PRKG1: variants seen among roughly 807,000 people sequenced by gnomAD.
PRKG1 encodes cGMP-dependent protein kinase 1.
A neutral mutation model predicts 88.1 loss-of-function variants in PRKG1; 35 were observed. The observed-to-expected ratio is 0.40, with a 90% CI of 0.30 to 0.53. The LOEUF (loss-of-function observed/expected upper bound fraction) is 0.53. Ranked by LOEUF, PRKG1 falls within the 20% of genes least tolerant of loss-of-function variation. PRKG1 has a pLI of 0.59. For synonymous variants in PRKG1, 303 were observed against 292.5 expected (o/e 1.04, Z -0.37); for missense variants, 540 against 839.8 (o/e 0.64, Z 4.41).
chr10:51,915,953 A>G lies in PRKG1; in HGVS notation c.762+8383A>G, dbSNP rs571972316. On this transcript the variant is annotated intron_variant, in intron 5 of 17. Coordinates refer to ENST00000373980, the MANE Select transcript of PRKG1 (RefSeq NM_006258.4). ...CTAGAATAAAACATAATAGACAATAACAAGTATTGGCAAGGATATAGAGAA... is the reference window on the plus strand; with the variant it reads ...CTAGAATAAAACATAATAGACAATAGCAAGTATTGGCAAGGATATAGAGAA... 2.6e-5 allele frequency among the ~76,000 whole-genome samples: 4 copies of G among 152,328 alleles called. No homozygotes were observed. The South Asian group carries it at 8.3e-4, about 32-fold the overall frequency.
Position 51,312,338 on chromosome 10 carries a change from A to C in PRKG1, c.479-155385A>C, listed in dbSNP as rs16916649. Among the ~76,000 whole-genome samples the C allele has an allele frequency of 7.4e-3, 1,130 of 152,172 alleles. 8 individuals are homozygous for C. The highest frequency in any genetic ancestry group is 0.026 in the African/African-American group (1,062 of 41,496). On this transcript the variant is annotated intron_variant, in intron 2 of 17. Transcript: ENST00000373980. ...GGAAAATGAAAACTACAAAACTCTC[A>C]CTCAACATTATTTTACAATAGTGTA...
At chr10:51,790,992 C>A (rs1483663649) in intron 3 of PRKG1, among the ~76,000 whole-genome samples, 10 of 152,108 alleles carry the variant, frequency 6.6e-5, no homozygotes, top group African/African-American at 2.2e-4. Flanking sequence ...CATTGCTATA[C>A]TCATTTTGTC....
At chr10:51,132,103 T>C (rs1415390221) in intron 1 of PRKG1, among the ~76,000 whole-genome samples, 1 of 152,126 alleles carries the variant, frequency 6.6e-6, no homozygotes, top group East Asian at 1.9e-4. Context: ...GTTTGAAGTA[T>C]TAAAAAAAAT....
chr10:52,042,955 G>A (rs1564444442), intron 5 of PRKG1, among the ~76,000 whole-genome samples: 1 of 152,182 alleles, frequency 6.6e-6, no homozygotes, highest in Middle Eastern at 3.4e-3. Flanking sequence ...TTTAGAAATG[G>A]GTAACAGGTA....
At chr10:51,168,549 T>G (rs2031598323) in intron 2 of PRKG1, among the ~76,000 whole-genome samples, 1 of 152,046 alleles carries the variant, frequency 6.6e-6, no homozygotes, top group Admixed American at 6.6e-5. Context: ...CTTCTTAAGG[T>G]TTTCACTAAT....
chr10:51,941,951 C>A (rs933357154), intron 5 of PRKG1, among the ~76,000 whole-genome samples: 3 of 151,994 alleles, frequency 2.0e-5, no homozygotes, highest in African/African-American at 7.3e-5. Flanking sequence ...ATTTATAGTC[C>A]TTTGGGTATA....
At chr10:51,121,242 AAT>A (rs1328703661) in intron 1 of PRKG1, among the ~76,000 whole-genome samples, 1 of 152,184 alleles carries the variant, frequency 6.6e-6, no homozygotes, top group African/African-American at 2.4e-5. Flanking sequence ...CATATAAGGT[AAT>A]ATATATCCAA....
At chr10:51,604,089 CTTTTT>C (rs11290534) in intron 3 of PRKG1, among the ~76,000 whole-genome samples, 2 of 141,664 alleles carry the variant, frequency 1.4e-5, no homozygotes, top group African/African-American at 5.2e-5. Context: ...TGGTCCCTGC[CTTTTT>C]TTTTTTTTTC....
chr10:51,453,967 G>A (rs1010064762), intron 2 of PRKG1, among the ~76,000 whole-genome samples: 2 of 151,994 alleles, frequency 1.3e-5, no homozygotes, highest in Non-Finnish European at 2.9e-5. Flanking sequence ...CAAGCTGAGA[G>A]TCAAATCAAA....
chr10:51,491,317 C>T (rs1236575067), intron 3 of PRKG1, among the ~76,000 whole-genome samples: 1 of 152,082 alleles, frequency 6.6e-6, no homozygotes, highest in Non-Finnish European at 1.5e-5. Context: ...ACTGTCAGAC[C>T]TCCTAAAGGA....
At chr10:51,861,713 T>C (rs980346684) in intron 4 of PRKG1, among the ~76,000 whole-genome samples, 3 of 152,228 alleles carry the variant, frequency 2.0e-5, no homozygotes, top group African/African-American at 7.2e-5. Flanking sequence ...TTATGAAAAC[T>C]ATAGTGATTT....
intron 3 of PRKG1, among the ~76,000 whole-genome samples, chr10:51,557,296 A>G (rs1294879588): frequency 6.6e-6 from 1 of 151,794 alleles, no homozygotes; most frequent in Admixed American, 6.6e-5. Flanking sequence ...GAATCCTTAT[A>G]ATATGGACAC....
intron 3 of PRKG1, among the ~76,000 whole-genome samples, chr10:51,494,048 T>C (rs77277563): frequency 0.098 from 14,953 of 152,140 alleles, 2,305 homozygotes; most frequent in African/African-American, 0.33. Flanking sequence ...TTGATTGATT[T>C]TTTAATTTAT....
At chr10:51,167,342 G>A (rs1378267722) in intron 2 of PRKG1, among the ~76,000 whole-genome samples, 1 of 152,056 alleles carries the variant, frequency 6.6e-6, no homozygotes, top group Non-Finnish European at 1.5e-5. Flanking sequence ...AGGCAGTAAG[G>A]TACGGAAAAG....
chr10:51,667,665 T>C (rs996408846), intron 3 of PRKG1, among the ~76,000 whole-genome samples: 2 of 152,224 alleles, frequency 1.3e-5, no homozygotes, highest in Admixed American at 6.5e-5. Context: ...CTTATTCATC[T>C]AGTCTTGTCC....
At chr10:51,315,098 T>C (rs1841285754) in intron 2 of PRKG1, among the ~76,000 whole-genome samples, 2 of 152,210 alleles carry the variant, frequency 1.3e-5, no homozygotes, top group African/African-American at 2.4e-5. Context: ...GAAATGAGTA[T>C]TGAGCTCTTA....
chr10:51,305,773 T>C (rs2132248720), intron 2 of PRKG1, among the ~76,000 whole-genome samples: 1 of 152,332 alleles, frequency 6.6e-6, no homozygotes, highest in Non-Finnish European at 1.5e-5. Flanking sequence ...TGTTTTATGT[T>C]TTTCTGGATA....
At chr10:51,073,904 G>A (rs1843876292), upstream of PRKG1, among the ~76,000 whole-genome samples, 1 of 152,146 alleles carries the variant, frequency 6.6e-6, no homozygotes. Context: ...CACACCGCTC[G>A]GGAGCTTTCC....
chr10:51,625,463 T>C (rs1839312300), intron 3 of PRKG1, among the ~76,000 whole-genome samples: 1 of 151,676 alleles, frequency 6.6e-6, no homozygotes, highest in Non-Finnish European at 1.5e-5. Flanking sequence ...GGTGACAGAG[T>C]GAGATTCTGT....
Sources: gnomAD v4.1 joint callset for allele counts (sites outside exome capture counted in the v4.1 genomes callset) on GRCh38, gnomAD v4.1.1 for gene constraint, MANE v1.5 for transcripts, NCBI Gene and HGNC (gene_info 2026-07-23, HGNC 2026-07-21) for gene names.